The following KPNA6 variants were observed in gnomAD, a reference collection of about 807,000 sequenced individuals.
KPNA6 encodes karyopherin subunit alpha 6.
KPNA6 carries 9 observed loss-of-function variants against 72.0 expected under a neutral mutation model. The ratio of observed to expected loss-of-function variants is 0.13; its 90% CI spans 0.08 to 0.22. The LOEUF is 0.22. KPNA6 is among the 10% of genes least tolerant of loss of function. KPNA6 has a pLI of 1.00. For synonymous variants in KPNA6, 219 were observed against 242.1 expected, an observed-to-expected ratio of 0.90 and a Z score of 0.89; for missense variants, 374 against 655.7, an observed-to-expected ratio of 0.57 and a Z score of 4.69.
At chr1:32,108,270 G>C in intron 1 of KPNA6, 136 bp downstream of exon 1, 1 of 1,299,894 alleles carries the variant, frequency 7.7e-7, no homozygotes, top group South Asian at 1.2e-5. Flanking sequence ...AAGTCAGGCC[G>C]GGAGTGCCCC....
At chr1:32,167,058 A>G (rs1642353031) in intron 11 of KPNA6, 111 bp from the exon 12 acceptor site, 1 of 1,376,966 alleles carries the variant, frequency 7.3e-7, no homozygotes, top group Non-Finnish European at 9.9e-7. Flanking sequence ...ACAAAAGAAA[A>G]CTCCCAGAAT....
At chr1:32,124,870 A>C (rs1200733089) in intron 1 of KPNA6, among the ~76,000 whole-genome samples, 1 of 148,872 alleles carries the variant, frequency 6.7e-6, no homozygotes, top group Non-Finnish European at 1.5e-5. Flanking sequence ...TTTGAGACGG[A>C]GTTTCACTCT....
At chr1:32,155,703 A>ATTATTTAT (rs150358147) in intron 2 of KPNA6, among the ~76,000 whole-genome samples, 310 of 146,116 alleles carry the variant, frequency 2.1e-3, no homozygotes, top group African/African-American at 3.8e-3. Context: ...CCTGATTATT[A>ATTATTTAT]TTATTTATTT....
At position 32,173,413 on chromosome 1, in the gene KPNA6, T is replaced by C. The variant is rs562120144; in HGVS notation, c.*2519T>C. On this transcript the variant is annotated 3_prime_UTR_variant, in exon 14 of 14. Transcript: ENST00000373625. ...TGGAAAATGTTTTTGGTGATCTGGC[T>C]GCTGCTTAAAGCCAGTTTTCCCTAA... is the stretch of plus-strand genomic sequence containing the variant. 4 of 278,118 alleles carry C rather than the reference T, an allele frequency of 1.4e-5. No individual in the cohort carries two copies. The Admixed American group carries it at 1.6e-4, about 11-fold the overall frequency. 17.2% of individuals were successfully genotyped at this position (278,118 alleles called of 1,614,324 possible).
intron 1 of KPNA6, among the ~76,000 whole-genome samples, chr1:32,118,273 C>T (rs1641362435): frequency 6.6e-6 from 1 of 151,946 alleles, no homozygotes; most frequent in African/African-American, 2.4e-5. Flanking sequence ...TCTTCATGAA[C>T]CTTTCTGAAG....
chr1:32,132,232 A>C (rs1345555812), intron 1 of KPNA6, among the ~76,000 whole-genome samples: 1 of 152,032 alleles, frequency 6.6e-6, no homozygotes, highest in Admixed American at 6.6e-5. Context: ...TGGCTCCCCA[A>C]AGTGCGGGGA....
chr1:32,137,749 G>A (rs1295776649), intron 1 of KPNA6, among the ~76,000 whole-genome samples: 1 of 152,152 alleles, frequency 6.6e-6, no homozygotes, highest in Non-Finnish European at 1.5e-5. Flanking sequence ...CCAATTTGGA[G>A]TAACAGATAA....
At chr1:32,153,014 C>CT (rs1642063847) in intron 1 of KPNA6, among the ~76,000 whole-genome samples, 1 of 77,314 alleles carries the variant, frequency 1.3e-5, no homozygotes, top group Non-Finnish European at 2.3e-5. Flanking sequence ...GAGACTCCAT[C>CT]TCAAAAAAAA....
Position 32,176,018 on chromosome 1 carries a change from A to C in KPNA6, c.*5124A>C, listed in dbSNP as rs1284402012. The C allele has an allele frequency of 2.0e-5, 3 of 151,954 alleles. No homozygotes were observed. Among genetic ancestry groups the C allele is most frequent in the African/African-American group, 7.3e-5 (3 of 41,340 alleles). The allele number at this position is 151,954 out of a possible 1,614,324, so 9.4% of individuals were successfully genotyped here. A position where few individuals can be genotyped will look rare whatever the true frequency, so the allele number is the denominator to read the frequency against. On this transcript the variant is annotated 3_prime_UTR_variant, in exon 14 of 14. Transcript: ENST00000373625. Reference sequence around the variant, plus strand: ...CTACGTGGGAGGCTGAGGCAGGAGAATCTCTTGAACCTAGGAGGCAGAGGT... The same window carrying C: ...CTACGTGGGAGGCTGAGGCAGGAGACTCTCTTGAACCTAGGAGGCAGAGGT...
Position 32,156,844 on chromosome 1 carries a change from T to G in KPNA6, c.139-9T>G, listed in dbSNP as rs1305802094. On this transcript the variant is annotated splice_polypyrimidine_tract_variant and intron_variant, in intron 2 of 13. Transcript: ENST00000373625. ...AGAGTACTCTTAACCACTGTCTCTT[T>G]ACTTTCAGCTTTTTAAACGGAGAAA... 1 of 1,609,456 alleles carries G rather than the reference T, an allele frequency of 6.2e-7. No individual in the cohort carries two copies. Among genetic ancestry groups the G allele is most frequent in the Non-Finnish European group, 8.5e-7 (1 of 1,175,834 alleles).
chr1:32,152,364 A>G (rs988509513), intron 1 of KPNA6, among the ~76,000 whole-genome samples: 1 of 152,116 alleles, frequency 6.6e-6, no homozygotes, highest in African/African-American at 2.4e-5. Flanking sequence ...ACATGATGAC[A>G]ACTTAATTTA....
intron 13 of KPNA6, among the ~76,000 whole-genome samples, chr1:32,170,297 AG>A (rs1642413022): frequency 6.6e-6 from 1 of 152,170 alleles, no homozygotes. Context: ...GGGTACAGCT[AG>A]GATTTGGATT....
chr1:32,158,996 T>TG (rs1324155493), intron 5 of KPNA6, among the ~76,000 whole-genome samples: 1 of 152,194 alleles, frequency 6.6e-6, no homozygotes, highest in Non-Finnish European at 1.5e-5. Context: ...CATTGGAACT[T>TG]GCCAGAACTC....
Position 32,161,978 on chromosome 1 carries a change from A to T in KPNA6, c.679A>T (p.Thr227Ser). 1.2e-6 allele frequency: 2 copies of T among 1,614,144 alleles called. No homozygotes were observed. Among genetic ancestry groups the T allele is most frequent in the Non-Finnish European group, 1.7e-6 (2 of 1,180,012 alleles). ...TACCAAGTCCACACGACTGACGATGACACGGAATGCAGTCTGGGCCCTGTC... is the reference window on the plus strand; with the variant it reads ...TACCAAGTCCACACGACTGACGATGTCACGGAATGCAGTCTGGGCCCTGTC... ...LLTKSTRLTM[T>S]RNAVWALSNL... The change falls in exon 8 of 14, where the codon ACA becomes TCA. Residue 227 changes from threonine (T) to serine (S), a missense_variant. Transcript: ENST00000373625.
chr1:32,127,227 C>T (rs570170010), intron 1 of KPNA6, among the ~76,000 whole-genome samples: 2 of 152,344 alleles, frequency 1.3e-5, no homozygotes, highest in South Asian at 2.1e-4. Context: ...GAACTCAGTT[C>T]ACCTGACCTC....
At chr1:32,167,429 C>T (rs1642359708) in intron 12 of KPNA6, 133 bp downstream of exon 12, 1 of 893,650 alleles carries the variant, frequency 1.1e-6, no homozygotes, top group Non-Finnish European at 1.7e-6. Context: ...TAGAATTTTA[C>T]TGGTAAACTG....
chr1:32,170,977 T>TC lies in KPNA6; in HGVS notation c.*87dup. 1 of 1,240,752 alleles carries TC rather than the reference T, an allele frequency of 8.1e-7. No homozygotes were observed. Among genetic ancestry groups the TC allele is most frequent in the Non-Finnish European group, 1.2e-6 (1 of 861,006 alleles). The allele number at this position is 1,240,752 out of a possible 1,614,324, so 76.9% of individuals were successfully genotyped here. ...CCCTCTGGTGGGCGGGAAACCAGTG[T>TC]CCCCACCATCAGCCACCACACACCT... On this transcript the variant is annotated 3_prime_UTR_variant, in exon 14 of 14. Coordinates refer to ENST00000373625, the MANE Select transcript of KPNA6 (RefSeq NM_012316.5).
chr1:32,126,001 ACCTGT>A lies in KPNA6; in HGVS notation c.4+17871_4+17875del, dbSNP rs375874449. ...TACTAAAAAAAAAAAAAAAAAAAAA[ACCTGT>A]CCTATTTTCAGAGCTTGTTTTTCTT... On this transcript the variant is annotated intron_variant, in intron 1 of 13. Coordinates refer to ENST00000373625, the MANE Select transcript of KPNA6 (RefSeq NM_012316.5). Among the ~76,000 whole-genome samples the A allele has an allele frequency of 3.0e-3, 440 of 146,954 alleles. 2 individuals are homozygous for A. Among genetic ancestry groups the A allele is most frequent in the African/African-American group, 0.01 (399 of 38,954 alleles).
chr1:32,158,664 C>T (rs1642186222), intron 5 of KPNA6, among the ~76,000 whole-genome samples: 1 of 151,978 alleles, frequency 6.6e-6, no homozygotes, highest in African/African-American at 2.4e-5. Context: ...ATTACTTATC[C>T]CCATCCCACC....
Sources: gnomAD v4.1 joint callset for allele counts (sites outside exome capture counted in the v4.1 genomes callset) on GRCh38, gnomAD v4.1.1 for gene constraint, MANE v1.5 for transcripts, NCBI Gene and HGNC (gene_info 2026-07-23, HGNC 2026-07-21) for gene names.